TAB2: variants seen among roughly 807,000 people sequenced by gnomAD.
TAB2 encodes TGF-beta-activated kinase 1 and MAP3K7-binding protein 2.
A neutral mutation model predicts 65.0 loss-of-function variants in TAB2; 3 were observed. The ratio of observed to expected loss-of-function variants is 0.05; its 90% CI spans 0.02 to 0.12. The LOEUF (loss-of-function observed/expected upper bound fraction) is 0.12, where lower values mean the gene tolerates loss of function less well. TAB2 is among the 10% of genes least tolerant of loss of function. The pLI, the probability that TAB2 is intolerant of heterozygous loss-of-function variation, is 1.00. For missense variants in TAB2, 623 were observed against 840.3 expected (o/e 0.74, Z 3.20); for synonymous variants, 298 against 285.1 (o/e 1.05, Z -0.46).
At chr6:149,349,648 T>G (rs1780425563) in intron 1 of TAB2, among the ~76,000 whole-genome samples, 1 of 152,208 alleles carries the variant, frequency 6.6e-6, no homozygotes, top group Non-Finnish European at 1.5e-5. Flanking sequence ...ATTGACTTAA[T>G]GTTCAAATTG....
intron 1 of TAB2, among the ~76,000 whole-genome samples, chr6:149,366,026 G>A (rs1479476850): frequency 6.6e-6 from 1 of 152,096 alleles, no homozygotes; most frequent in Non-Finnish European, 1.5e-5. Flanking sequence ...CTTCAGCATA[G>A]TTAAAATAGA....
At chr6:149,286,777 C>T (rs4897113) in intron 1 of TAB2, among the ~76,000 whole-genome samples, 30,473 of 151,838 alleles carry the variant, frequency 0.2, 3,269 homozygotes, top group East Asian at 0.43. Flanking sequence ...ATTAGCAGCA[C>T]GAGAAAATAC....
intron 1 of TAB2, among the ~76,000 whole-genome samples, chr6:149,254,442 A>G (rs1479679902): frequency 6.6e-6 from 1 of 152,198 alleles, no homozygotes; most frequent in Admixed American, 6.5e-5. Context: ...TTCAGGTCAT[A>G]TGACGACTGT....
At chr6:149,374,738 A>G (rs1212594384) in intron 2 of TAB2, among the ~76,000 whole-genome samples, 1 of 152,242 alleles carries the variant, frequency 6.6e-6, no homozygotes, top group Non-Finnish European at 1.5e-5. Context: ...ATGGTCACCA[A>G]AAATTCAAAC....
At chr6:149,327,314 C>G (rs1318361483) in intron 1 of TAB2, among the ~76,000 whole-genome samples, 1 of 152,068 alleles carries the variant, frequency 6.6e-6, no homozygotes. Flanking sequence ...TCATAGTTGC[C>G]TGGTTAATTT....
chr6:149,235,620 G>T (rs1368259053), intron 1 of TAB2, among the ~76,000 whole-genome samples: 1 of 152,192 alleles, frequency 6.6e-6, no homozygotes, highest in African/African-American at 2.4e-5. Flanking sequence ...CCAGACTGGG[G>T]GTCCACAAGA....
chr6:149,282,206 A>C (rs951518790), intron 1 of TAB2, among the ~76,000 whole-genome samples: 7 of 152,198 alleles, frequency 4.6e-5, no homozygotes, highest in Admixed American at 6.5e-5. Flanking sequence ...TTGTCAATTC[A>C]TCAGAAAAAC....
At chr6:149,274,904 G>A (rs899519866) in intron 1 of TAB2, among the ~76,000 whole-genome samples, 1 of 152,154 alleles carries the variant, frequency 6.6e-6, no homozygotes, top group Non-Finnish European at 1.5e-5. Flanking sequence ...GCCAGAGAGA[G>A]AACCAGCTCC....
At chr6:149,257,133 T>G (rs981454775) in intron 1 of TAB2, among the ~76,000 whole-genome samples, 3 of 152,206 alleles carry the variant, frequency 2.0e-5, no homozygotes, top group African/African-American at 7.2e-5. Context: ...TAGTGAAGAT[T>G]GAATCTTCCT....
chr6:149,220,541 T>C (rs941208800), intron 1 of TAB2, among the ~76,000 whole-genome samples: 2 of 152,190 alleles, frequency 1.3e-5, no homozygotes, highest in African/African-American at 4.8e-5. Context: ...TTAATATCAC[T>C]ACAAATAGCA....
In TAB2 at chr6:149,400,543, G is replaced by A. The variant is rs57327874; in HGVS notation, c.1939+1359G>A. Reference sequence around the variant, plus strand: ...CTAATGAAAGCCTATTGTGAACCACGGGGATTGTCAGTGAAGCAGATCAGA... The same window carrying A: ...CTAATGAAAGCCTATTGTGAACCACAGGGATTGTCAGTGAAGCAGATCAGA... On this transcript the variant is annotated intron_variant, in intron 6 of 6. Coordinates refer to ENST00000637181, the MANE Select transcript of TAB2 (RefSeq NM_001292034.3). 5.4e-4 allele frequency: 866 copies of A among 1,614,208 alleles called. 4 individuals are homozygous for A. In the African/African-American group the frequency reaches 9.5e-3, roughly 18 times the overall value.
At chr6:149,354,724 T>C (rs1472408695) in intron 1 of TAB2, among the ~76,000 whole-genome samples, 2 of 152,170 alleles carry the variant, frequency 1.3e-5, no homozygotes, top group African/African-American at 4.8e-5. Flanking sequence ...GTTCTGCACT[T>C]AGTGGTGGTA....
chr6:149,290,348 A>G (rs1778754031), intron 1 of TAB2, among the ~76,000 whole-genome samples: 1 of 152,142 alleles, frequency 6.6e-6, no homozygotes, highest in Non-Finnish European at 1.5e-5. Flanking sequence ...GAGGATGCAT[A>G]CCTAACCACC....
chr6:149,231,002 C>T (rs138261614), intron 1 of TAB2, among the ~76,000 whole-genome samples: 78 of 152,316 alleles, frequency 5.1e-4, no homozygotes, highest in African/African-American at 1.7e-3. Context: ...GACAAGCTCA[C>T]TTACTGAGCT....
rs558613101 is a variant in TAB2 at position 149,252,990 on chromosome 6, A to C, written c.-121+34214A>C. On this transcript the variant is annotated intron_variant, in intron 1 of 1. Coordinates refer to the TAB2 transcript ENST00000606202. ...AAGCTCTATCAGGTGCACCCAGCCT[A>C]GACCAGCCAAGACACAGAGACCTGA... is the stretch of plus-strand genomic sequence containing the variant. 2.0e-5 allele frequency: 3 copies of C among 152,568 alleles called. No individual in the cohort carries two copies. The East Asian group carries it at 5.8e-4, about 29-fold the overall frequency. 9.5% of individuals were successfully genotyped at this position (152,568 alleles called of 1,614,324 possible). A position where few individuals can be genotyped will look rare whatever the true frequency, so the allele number is the denominator to read the frequency against.
intron 1 of TAB2, among the ~76,000 whole-genome samples, chr6:149,367,313 A>G (rs1295119759): frequency 6.6e-6 from 1 of 152,170 alleles, no homozygotes; most frequent in Non-Finnish European, 1.5e-5. Context: ...TTTGATCAAC[A>G]TTCTTAATGA....
Position 149,379,099 on chromosome 6 carries a change from C to T in TAB2, c.1184C>T (p.Thr395Ile). The T allele has an allele frequency of 6.2e-7, 1 of 1,614,200 alleles. No homozygotes were observed. The highest frequency in any genetic ancestry group is 1.3e-5 in the African/African-American group (1 of 75,040). Reference sequence around the variant, plus strand: ...GTCTATATTTCAGCGAATGCTGCCACAGGAGATGAACAGGTCATGCGGAAT... The same window carrying T: ...GTCTATATTTCAGCGAATGCTGCCATAGGAGATGAACAGGTCATGCGGAAT... Reference protein sequence around the residue: ...PKVYISANAATGDEQVMRNQP... With the variant: ...PKVYISANAAIGDEQVMRNQP... The change falls in exon 3 of 7, where the codon ACA (threonine) becomes ATA (isoleucine). Residue 395 changes from threonine (T) to isoleucine (I), a missense_variant. Transcript: ENST00000637181.
chr6:149,313,518 T>C (rs187376629), upstream of TAB2, among the ~76,000 whole-genome samples: 8 of 152,310 alleles, frequency 5.3e-5, no homozygotes, highest in Non-Finnish European at 1.0e-4. Flanking sequence ...TTTCTGCAGA[T>C]GACTTCCAAT....
chr6:149,377,909 T>C (rs1172788363), intron 2 of TAB2, 109 bp from the exon 3 acceptor site: 2 of 822,110 alleles, frequency 2.4e-6, no homozygotes, highest in Non-Finnish European at 3.9e-6. Flanking sequence ...TCCAAATATA[T>C]GTTATAATTG....
Sources: gnomAD v4.1 joint callset for allele counts (sites outside exome capture counted in the v4.1 genomes callset) on GRCh38, gnomAD v4.1.1 for gene constraint, MANE v1.5 for transcripts, NCBI Gene and HGNC (gene_info 2026-07-23, HGNC 2026-07-21) for gene names.